ARHGAP26: variants seen among roughly 807,000 people sequenced by gnomAD.
ARHGAP26 encodes the protein Rho GTPase activating protein 26, also known as rho GTPase-activating protein 26.
Under a neutral mutation model 104.8 loss-of-function variants are expected in ARHGAP26, and 38 were observed. The ratio of observed to expected loss-of-function variants is 0.36; its 90% CI spans 0.28 to 0.48. The LOEUF (loss-of-function observed/expected upper bound fraction) is 0.48. ARHGAP26 is among the 20% of genes least tolerant of loss of function. The pLI, the probability that ARHGAP26 is intolerant of heterozygous loss-of-function variation, is 0.99. For missense variants in ARHGAP26, 704 were observed against 947.9 expected, an observed-to-expected ratio of 0.74 and a Z score of 3.38; for synonymous variants, 341 against 340.0, an observed-to-expected ratio of 1.00 and a Z score of -0.03.
intron 1 of ARHGAP26, 143 bp downstream of exon 1, chr5:142,771,058 A>G: frequency 7.2e-7 from 1 of 1,384,788 alleles, no homozygotes; most frequent in Non-Finnish European, 9.4e-7. Flanking sequence ...CGAGGCAGGA[A>G]GGATACGTAA....
At chr5:142,992,662 C>T (rs202122548) in intron 11 of ARHGAP26, among the ~76,000 whole-genome samples, 22 of 152,100 alleles carry the variant, frequency 1.4e-4, no homozygotes, top group East Asian at 3.9e-4. Flanking sequence ...CTCCTGACCT[C>T]GTGATCCGCC....
At chr5:142,805,104 T>G (rs1382559081) in intron 1 of ARHGAP26, among the ~76,000 whole-genome samples, 1 of 151,898 alleles carries the variant, frequency 6.6e-6, no homozygotes, top group African/African-American at 2.4e-5. Context: ...TTCCTTTCTT[T>G]TCTTTTTTTT....
intron 1 of ARHGAP26, among the ~76,000 whole-genome samples, chr5:142,839,264 C>G (rs1012529749): frequency 6.6e-6 from 1 of 151,412 alleles, no homozygotes; most frequent in African/African-American, 2.4e-5. Flanking sequence ...ACAGAGTTAT[C>G]TGAGCACCTT....
At chr5:143,117,713 G>T (rs1012527503) in intron 17 of ARHGAP26, among the ~76,000 whole-genome samples, 7 of 152,062 alleles carry the variant, frequency 4.6e-5, no homozygotes, top group Non-Finnish European at 1.0e-4. Context: ...TGGGCACTGG[G>T]GCCTGCAAAT....
At chr5:143,036,933 A>G (rs1179171494) in intron 12 of ARHGAP26, among the ~76,000 whole-genome samples, 2 of 152,236 alleles carry the variant, frequency 1.3e-5, no homozygotes, top group African/African-American at 4.8e-5. Flanking sequence ...ATAATTTTAC[A>G]GGTTACTACA....
rs142954275 is a variant in ARHGAP26, at chr5:143,024,711, G to A, written c.1144+10595G>A. On this transcript the variant is annotated intron_variant, in intron 12 of 22. Transcript: ENST00000645722. Reference sequence around the variant, plus strand: ...ACCCTATGAGCTAGATACTATTATTGACCCCATTTACAGATGTGAAAACTG... The same window carrying A: ...ACCCTATGAGCTAGATACTATTATTAACCCCATTTACAGATGTGAAAACTG... Among the ~76,000 whole-genome samples the A allele has an allele frequency of 3.5e-4, 54 of 152,196 alleles. No individual in the cohort carries two copies. In the East Asian group the frequency reaches 9.3e-3, roughly 26 times the overall value.
At position 142,926,615 on chromosome 5, in the gene ARHGAP26, A is replaced by G. The variant is rs188760249; in HGVS notation, c.1029-5432A>G. ...CCACTTTGTTGCGTTACTCAGGAGG[A>G]GAAAGGAAATGGCCATTATGTCAGT... On this transcript the variant is annotated intron_variant, in intron 10 of 22. Transcript: ENST00000645722. Among the ~76,000 whole-genome samples, 10 of 152,216 alleles carry G rather than the reference A, an allele frequency of 6.6e-5. No homozygotes were observed. The East Asian group carries it at 1.9e-3, about 29-fold the overall frequency.
intron 10 of ARHGAP26, among the ~76,000 whole-genome samples, chr5:142,929,897 G>A (rs1050845541): frequency 6.6e-6 from 1 of 152,196 alleles, no homozygotes; most frequent in East Asian, 1.9e-4. Flanking sequence ...AGAAAGGAGG[G>A]TAACTTTGCT....
chr5:142,944,352 T>C (rs1177785939), intron 11 of ARHGAP26, among the ~76,000 whole-genome samples: 1 of 152,242 alleles, frequency 6.6e-6, no homozygotes, highest in Admixed American at 6.5e-5. Flanking sequence ...AATCCTTGTA[T>C]GAACTTCACT....
intron 11 of ARHGAP26, among the ~76,000 whole-genome samples, chr5:142,980,174 C>G (rs1397559512): frequency 6.6e-6 from 1 of 152,092 alleles, no homozygotes; most frequent in South Asian, 2.1e-4. Context: ...TTGTGTGTGG[C>G]TCCTTTTATG....
chr5:143,155,881 G>A (rs2151029368), intron 20 of ARHGAP26, among the ~76,000 whole-genome samples: 1 of 152,262 alleles, frequency 6.6e-6, no homozygotes, highest in Admixed American at 6.5e-5. Flanking sequence ...CATGCTTAAA[G>A]CTTTGGAGTT....
chr5:143,035,147 GGAAC>G (rs1245856866), intron 12 of ARHGAP26, among the ~76,000 whole-genome samples: 1 of 152,172 alleles, frequency 6.6e-6, no homozygotes, highest in Non-Finnish European at 1.5e-5. Flanking sequence ...TGTAAGTATA[GGAAC>G]TATTAATATT....
chr5:142,852,765 ATC>A (rs1440975587), intron 1 of ARHGAP26, among the ~76,000 whole-genome samples: 1 of 152,190 alleles, frequency 6.6e-6, no homozygotes, highest in Non-Finnish European at 1.5e-5. Flanking sequence ...TGATAACATG[ATC>A]TCACTCAGTA....
intron 5 of ARHGAP26, 32 bp from the exon 6 acceptor site, chr5:142,894,206 G>C (rs766978090): frequency 8.8e-6 from 14 of 1,594,622 alleles, no homozygotes; most frequent in Non-Finnish European, 1.0e-5. Flanking sequence ...GTAGTGACTT[G>C]ATTTTTCTCT....
At chr5:142,804,493 T>C (rs2151978152) in intron 1 of ARHGAP26, among the ~76,000 whole-genome samples, 1 of 152,294 alleles carries the variant, frequency 6.6e-6, no homozygotes, top group East Asian at 1.9e-4. Flanking sequence ...GATTTTATTT[T>C]TTATTTTTAT....
intron 1 of ARHGAP26, among the ~76,000 whole-genome samples, chr5:142,854,531 G>A (rs909045211): frequency 4.6e-5 from 7 of 152,228 alleles, no homozygotes. Flanking sequence ...GGATGAATGG[G>A]TGAGCCTATT....
At chr5:143,165,763 A>T (rs1801846477) in intron 20 of ARHGAP26, among the ~76,000 whole-genome samples, 1 of 152,104 alleles carries the variant, frequency 6.6e-6, no homozygotes, top group Non-Finnish European at 1.5e-5. Flanking sequence ...TTCTATCTTT[A>T]TGTGCATGAT....
At chr5:142,897,860 A>G (rs981906971) in intron 6 of ARHGAP26, among the ~76,000 whole-genome samples, 5 of 152,190 alleles carry the variant, frequency 3.3e-5, no homozygotes, top group Non-Finnish European at 5.9e-5. Flanking sequence ...CTGACTTTTC[A>G]TCTCCATGAA....
chr5:143,056,211 C>T, intron 16 of ARHGAP26, 125 bp downstream of exon 16: 1 of 704,690 alleles, frequency 1.4e-6, no homozygotes. Context: ...GGCCACATAA[C>T]ATACTCATGA....
Sources: gnomAD v4.1 joint callset for allele counts (sites outside exome capture counted in the v4.1 genomes callset) on GRCh38, gnomAD v4.1.1 for gene constraint, MANE v1.5 for transcripts, NCBI Gene and HGNC (gene_info 2026-07-23, HGNC 2026-07-21) for gene names.